Variants in UNC5D observed in about 807,000 individuals in gnomAD.
The protein encoded by UNC5D is netrin receptor UNC5D.
In UNC5D, 39 loss-of-function variants were observed where a neutral mutation model predicts 105.4. The ratio of observed to expected loss-of-function variants is 0.37; its 90% CI spans 0.29 to 0.48. The LOEUF is 0.48. UNC5D is among the 20% of genes least tolerant of loss of function. The pLI is 0.98. For missense variants in UNC5D, 991 were observed against 1,202.4 expected, an observed-to-expected ratio of 0.82 and a Z score of 2.60; for synonymous variants, 452 against 450.4, an observed-to-expected ratio of 1.00 and a Z score of -0.04.
intron 1 of UNC5D, among the ~76,000 whole-genome samples, chr8:35,408,068 C>T (rs567785100): frequency 6.6e-6 from 1 of 152,180 alleles, no homozygotes; most frequent in African/African-American, 2.4e-5. Context: ...ATCATTAGAT[C>T]ATTTAAAATT....
intron 3 of UNC5D, among the ~76,000 whole-genome samples, chr8:35,577,492 T>A (rs1355497603): frequency 6.6e-6 from 1 of 152,216 alleles, no homozygotes; most frequent in Non-Finnish European, 1.5e-5. Context: ...CTGGGACAAC[T>A]TGAGCATCAA....
chr8:35,570,721 A>G (rs1325409683), intron 3 of UNC5D, among the ~76,000 whole-genome samples: 1 of 152,060 alleles, frequency 6.6e-6, no homozygotes, highest in Non-Finnish European at 1.5e-5. Flanking sequence ...TCGGAGGCCA[A>G]GGTGGGTGGA....
intron 1 of UNC5D, among the ~76,000 whole-genome samples, chr8:35,382,462 C>A (rs543180592): frequency 3.9e-5 from 6 of 152,202 alleles, no homozygotes; most frequent in African/African-American, 1.4e-4. Context: ...CAGAGATGCC[C>A]CTTATTTTTT....
chr8:35,248,698 A>T (rs1585408809), intron 1 of UNC5D, among the ~76,000 whole-genome samples: 1 of 100,646 alleles, frequency 9.9e-6, no homozygotes, highest in African/African-American at 4.3e-5. Context: ...AAAATATATA[A>T]AAATATATAA....
Position 35,423,668 on chromosome 8 carries a change from T to G in UNC5D, c.104-125624T>G, listed in dbSNP as rs138060917. ...TTATGACAGTTTTTAACAAGTGTCA[T>G]GTTTTGGAGACAAAGCAATTGGAAA... On this transcript the variant is annotated intron_variant, in intron 1 of 16. Coordinates refer to ENST00000404895, the MANE Select transcript of UNC5D (RefSeq NM_080872.4). Among the ~76,000 whole-genome samples, 245 of 152,304 alleles carry G rather than the reference T, an allele frequency of 1.6e-3. 1 individual carries two copies. The highest frequency in any genetic ancestry group is 4.5e-3 in the African/African-American group (187 of 41,566).
intron 2 of UNC5D, among the ~76,000 whole-genome samples, chr8:35,567,210 G>A (rs934285229): frequency 1.3e-5 from 2 of 152,044 alleles, no homozygotes; most frequent in African/African-American, 4.8e-5. Context: ...GGGCCTCCCT[G>A]GGTTCTCTTC....
chr8:35,283,989 A>G (rs1004021432), intron 1 of UNC5D, among the ~76,000 whole-genome samples: 4 of 152,210 alleles, frequency 2.6e-5, no homozygotes, highest in Non-Finnish European at 4.4e-5. Context: ...GAAAGTTTTA[A>G]CAAGAGTAAT....
At chr8:35,409,030 A>G (rs550007801) in intron 1 of UNC5D, among the ~76,000 whole-genome samples, 1 of 152,254 alleles carries the variant, frequency 6.6e-6, no homozygotes, top group East Asian at 1.9e-4. Context: ...ATCACACAGT[A>G]TATATCCTTT....
rs182055869 is a variant in UNC5D, at chr8:35,787,091, C to T, written c.2658-3268C>T. Among the ~76,000 whole-genome samples the T allele has an allele frequency of 7.9e-5, 12 of 152,248 alleles. No individual in the cohort carries two copies. In the East Asian group the frequency reaches 1.5e-3, roughly 20 times the overall value. On this transcript the variant is annotated intron_variant, in intron 16 of 16. Transcript: ENST00000404895. ...AAGGCAGAGTAGAGTAGCAGCAACA[C>T]GGACCACATGTGGCCCCGAAAACCA...
At chr8:35,247,025 C>A (rs1383279680) in intron 1 of UNC5D, among the ~76,000 whole-genome samples, 1 of 151,938 alleles carries the variant, frequency 6.6e-6, no homozygotes, top group Non-Finnish European at 1.5e-5. Context: ...AGTGAAGTTG[C>A]TTGCTTGGCT....
chr8:35,603,156 C>T lies in UNC5D; in HGVS notation c.570+7499C>T, dbSNP rs1820015841. 2.0e-5 allele frequency among the ~76,000 whole-genome samples: 3 copies of T among 151,996 alleles called. No homozygotes were observed. In the South Asian group the frequency reaches 6.2e-4, roughly 32 times the overall value. ...TGATGTTAGCGTGTCAATTTTAGAT[C>T]TTTCCTGCTTTCTCTTGTGGGCATT... is the stretch of plus-strand genomic sequence containing the variant. On this transcript the variant is annotated intron_variant, in intron 4 of 16. Coordinates refer to ENST00000404895, the MANE Select transcript of UNC5D (RefSeq NM_080872.4).
At chr8:35,567,943 TAGC>T (rs1277354606) in intron 2 of UNC5D, among the ~76,000 whole-genome samples, 152 bp from the exon 3 acceptor site, 1 of 152,218 alleles carries the variant, frequency 6.6e-6, no homozygotes, top group Non-Finnish European at 1.5e-5. Context: ...GAAATTTAAT[TAGC>T]AGTAATATAT....
intron 1 of UNC5D, among the ~76,000 whole-genome samples, chr8:35,471,573 A>G (rs1809727812): frequency 6.6e-6 from 1 of 152,242 alleles, no homozygotes; most frequent in African/African-American, 2.4e-5. Flanking sequence ...GAAAAATAGC[A>G]AAAGCATCTA....
chr8:35,445,956 G>T (rs1282897312), intron 1 of UNC5D, among the ~76,000 whole-genome samples: 2 of 151,994 alleles, frequency 1.3e-5, no homozygotes, highest in East Asian at 1.9e-4. Context: ...TAATTTGCTT[G>T]TATTTGCTTA....
chr8:35,296,657 G>A (rs1807511546), intron 1 of UNC5D, among the ~76,000 whole-genome samples: 3 of 152,206 alleles, frequency 2.0e-5, no homozygotes, highest in Admixed American at 2.0e-4. Flanking sequence ...CTGACCTCAA[G>A]TGGTCCACCT....
intron 1 of UNC5D, among the ~76,000 whole-genome samples, chr8:35,248,149 A>G (rs1803295432): frequency 2.1e-5 from 1 of 48,112 alleles, no homozygotes; most frequent in African/African-American, 1.1e-4. Flanking sequence ...TAAAATATAT[A>G]TAATATATAA....
intron 5 of UNC5D, 42 bp from the exon 6 acceptor site, chr8:35,684,540 C>A: frequency 6.3e-7 from 1 of 1,595,026 alleles, no homozygotes; most frequent in African/African-American, 1.3e-5. Flanking sequence ...TCAGTAAAAA[C>A]CTCTCTCCTT....
intron 1 of UNC5D, among the ~76,000 whole-genome samples, chr8:35,505,270 G>A (rs1162132561): frequency 6.6e-6 from 1 of 152,218 alleles, no homozygotes; most frequent in Non-Finnish European, 1.5e-5. Flanking sequence ...AAGGCTTAAT[G>A]CAGTAATCCC....
intron 1 of UNC5D, among the ~76,000 whole-genome samples, chr8:35,329,246 T>A (rs1235278539): frequency 6.6e-6 from 1 of 152,150 alleles, no homozygotes; most frequent in Non-Finnish European, 1.5e-5. Flanking sequence ...TCCCAAGTCC[T>A]ATTTTTTACT....
Sources: gnomAD v4.1 joint callset for allele counts (sites outside exome capture counted in the v4.1 genomes callset) on GRCh38, gnomAD v4.1.1 for gene constraint, MANE v1.5 for transcripts, NCBI Gene and HGNC (gene_info 2026-07-23, HGNC 2026-07-21) for gene names.